RNGTT: variants seen among roughly 807,000 people sequenced by gnomAD.
RNGTT encodes the protein RNA guanylyltransferase and 5'-phosphatase, also known as mRNA-capping enzyme.
In RNGTT, 33 loss-of-function variants were observed where a neutral mutation model predicts 79.3. The observed-to-expected ratio is 0.42, with a 90% CI of 0.32 to 0.56. The LOEUF is 0.56. Ranked by LOEUF, RNGTT falls within the 20% of genes least tolerant of loss-of-function variation. The probability of loss-of-function intolerance (pLI) is 0.17; values close to 1 mark genes in which losing one functional copy is unlikely to be tolerated. For missense variants in RNGTT, 497 were observed against 739.1 expected, an observed-to-expected ratio of 0.67 and a Z score of 3.80; for synonymous variants, 222 against 235.9, an observed-to-expected ratio of 0.94 and a Z score of 0.54.
chr6:88,938,934 A>C (rs144590433), intron 2 of RNGTT, among the ~76,000 whole-genome samples: 1 of 152,324 alleles, frequency 6.6e-6, no homozygotes, highest in African/African-American at 2.4e-5. Context: ...AGAACTTTGA[A>C]TATATCCTCT....
At chr6:88,753,754 A>T (rs1777915910) in intron 13 of RNGTT, among the ~76,000 whole-genome samples, 1 of 152,000 alleles carries the variant, frequency 6.6e-6, no homozygotes, top group East Asian at 1.9e-4. Context: ...ATAAAAACAC[A>T]ATATACATGA....
At chr6:88,912,515 AAG>A (rs1480092700) in intron 4 of RNGTT, among the ~76,000 whole-genome samples, 7 of 152,228 alleles carry the variant, frequency 4.6e-5, no homozygotes, top group Non-Finnish European at 1.0e-4. Flanking sequence ...AGCAGGAGAA[AAG>A]AAATACCTAA....
intron 13 of RNGTT, among the ~76,000 whole-genome samples, chr6:88,738,238 A>G (rs1339333011): frequency 2.0e-5 from 3 of 152,188 alleles, no homozygotes; most frequent in African/African-American, 7.2e-5. Flanking sequence ...AGCATCCTAT[A>G]ATACATTTGA....
intron 4 of RNGTT, among the ~76,000 whole-genome samples, chr6:88,913,239 AG>A: frequency 1.3e-5 from 2 of 150,908 alleles, no homozygotes; most frequent in Admixed American, 6.6e-5. Context: ...AAAAAAAAAA[AG>A]CCCTAGACCA....
At chr6:88,892,071 C>A (rs998430894) in intron 6 of RNGTT, among the ~76,000 whole-genome samples, 156 bp from the exon 7 acceptor site, 1 of 151,928 alleles carries the variant, frequency 6.6e-6, no homozygotes, top group African/African-American at 2.4e-5. Flanking sequence ...TATAAACTCC[C>A]CTAAGATTGT....
At chr6:88,718,272 A>T (rs1032653328) in intron 13 of RNGTT, among the ~76,000 whole-genome samples, 16 of 151,994 alleles carry the variant, frequency 1.1e-4, no homozygotes, top group Admixed American at 1.0e-3. Context: ...CTGTAATCCT[A>T]GCTACTTAGG....
chr6:88,716,877 T>C (rs1381973436), intron 13 of RNGTT, among the ~76,000 whole-genome samples: 1 of 151,986 alleles, frequency 6.6e-6, no homozygotes. Flanking sequence ...AAATGACGAG[T>C]TACTGGGTGC....
At chr6:88,700,125 G>A (rs956025361) in intron 13 of RNGTT, among the ~76,000 whole-genome samples, 16 of 152,084 alleles carry the variant, frequency 1.1e-4, no homozygotes, top group Non-Finnish European at 2.1e-4. Flanking sequence ...CATGGTTCAC[G>A]GATCTTATCA....
intron 6 of RNGTT, among the ~76,000 whole-genome samples, chr6:88,902,021 T>C (rs918312642): frequency 1.3e-5 from 2 of 151,830 alleles, no homozygotes; most frequent in Non-Finnish European, 2.9e-5. Flanking sequence ...TAACCAATAA[T>C]AGCTGTATAA....
chr6:88,724,321 T>C (rs1452919441), intron 13 of RNGTT, among the ~76,000 whole-genome samples: 2 of 152,200 alleles, frequency 1.3e-5, no homozygotes, highest in Non-Finnish European at 2.9e-5. Context: ...AAAAAATCTT[T>C]TGTACCTTAT....
chr6:88,888,621 T>C (rs1782943614), intron 8 of RNGTT, among the ~76,000 whole-genome samples: 1 of 152,248 alleles, frequency 6.6e-6, no homozygotes. Context: ...TATACATTAT[T>C]ATTAATTTTT....
rs1321453903 is a variant in RNGTT at position 88,636,845 on chromosome 6, T to A, written c.1507-22450A>T. On this transcript the variant is annotated intron_variant, in intron 14 of 15. Coordinates refer to ENST00000369485, the MANE Select transcript of RNGTT (RefSeq NM_003800.5). ...AGCAGGCAGTTTAAGGACAATTCTATCTAGTATCTTCCTCATCTTGCTACA... is the reference window on the plus strand; with the variant it reads ...AGCAGGCAGTTTAAGGACAATTCTAACTAGTATCTTCCTCATCTTGCTACA... Among the ~76,000 whole-genome samples, 3 of 151,802 alleles carry A rather than the reference T, an allele frequency of 2.0e-5. No homozygotes were observed. In the East Asian group the frequency reaches 5.8e-4, roughly 29 times the overall value.
At chr6:88,838,865 A>G (rs1415254370) in intron 11 of RNGTT, among the ~76,000 whole-genome samples, 2 of 152,192 alleles carry the variant, frequency 1.3e-5, no homozygotes, top group African/African-American at 4.8e-5. Context: ...GATTTACAAC[A>G]ACCAAAAATA....
At chr6:88,813,861 T>C (rs1170627868) in intron 11 of RNGTT, among the ~76,000 whole-genome samples, 1 of 152,228 alleles carries the variant, frequency 6.6e-6, no homozygotes, top group African/African-American at 2.4e-5. Context: ...TAAATTGATA[T>C]GTATGCTTTT....
intron 1 of RNGTT, among the ~76,000 whole-genome samples, chr6:88,955,183 G>A (rs1427348115): frequency 2.0e-5 from 3 of 152,118 alleles, no homozygotes; most frequent in Non-Finnish European, 4.4e-5. Context: ...TGAACTGAAT[G>A]ATAACAGTGA....
At chr6:88,628,749 T>C (rs1187320948) in intron 14 of RNGTT, among the ~76,000 whole-genome samples, 1 of 152,166 alleles carries the variant, frequency 6.6e-6, no homozygotes, top group Non-Finnish European at 1.5e-5. Flanking sequence ...AAGACAGCAT[T>C]TGGATCTAGA....
At chr6:88,808,261 G>A (rs964692575) in intron 11 of RNGTT, among the ~76,000 whole-genome samples, 3 of 152,084 alleles carry the variant, frequency 2.0e-5, no homozygotes, top group Admixed American at 2.0e-4. Context: ...AAAACAAATT[G>A]TATAAAAGGA....
chr6:88,853,440 G>T (rs1269433965), intron 9 of RNGTT, among the ~76,000 whole-genome samples, 189 bp downstream of exon 9: 2 of 151,840 alleles, frequency 1.3e-5, no homozygotes, highest in East Asian at 3.9e-4. Flanking sequence ...AGGAGGCAAA[G>T]GTTGCAGTGA....
chr6:88,755,406 T>A (rs574076477), intron 13 of RNGTT, among the ~76,000 whole-genome samples: 2 of 152,040 alleles, frequency 1.3e-5, no homozygotes, highest in African/African-American at 2.4e-5. Flanking sequence ...AACAAAAAAA[T>A]TCTTGAAATA....
Sources: allele counts gnomAD v4.1 joint callset (sites outside exome capture counted in the v4.1 genomes callset), GRCh38; gene constraint gnomAD v4.1.1; transcripts MANE v1.5; gene names NCBI Gene and HGNC (gene_info 2026-07-23, HGNC 2026-07-21).